Variants in PRRC1 observed in about 807,000 individuals in gnomAD.
PRRC1 encodes protein PRRC1.
A neutral mutation model predicts 40.7 loss-of-function variants in PRRC1; 39 were observed. The observed-to-expected ratio is 0.96, with a 90% CI of 0.74 to 1.25. The LOEUF (loss-of-function observed/expected upper bound fraction) is 1.25, where lower values mean the gene tolerates loss of function less well. Among genes scored for constraint, PRRC1 ranks in the 50% most tolerant of loss-of-function variants. The probability of loss-of-function intolerance (pLI) is 0.00; values close to 1 mark genes in which losing one functional copy is unlikely to be tolerated. For synonymous variants in PRRC1, 175 were observed against 193.3 expected (o/e 0.91, Z 0.79); for missense variants, 573 against 548.3 (o/e 1.05, Z -0.45).
intron 1 of PRRC1, among the ~76,000 whole-genome samples, chr5:127,521,144 G>C (rs1182808718): frequency 6.6e-6 from 1 of 152,120 alleles, no homozygotes; most frequent in Non-Finnish European, 1.5e-5. Context: ...CAGCTCCCCT[G>C]TTCTTTGTTC....
chr5:127,553,520 C>T lies in PRRC1; in HGVS notation c.*1604C>T. ...TCAAGTACAAGAAGGCTTTCTCTAC[C>T]ATTTGCGTCTACACTTTATTTTAAA... On this transcript the variant is annotated 3_prime_UTR_variant, in exon 9 of 9. Transcript: ENST00000296666. The T allele has an allele frequency of 8.7e-7, 1 of 1,149,550 alleles. No homozygotes were observed. The highest frequency in any genetic ancestry group is 1.1e-6 in the Non-Finnish European group (1 of 930,454). 71.2% of individuals were successfully genotyped at this position (1,149,550 alleles called of 1,614,324 possible).
intron 3 of PRRC1, among the ~76,000 whole-genome samples, chr5:127,525,910 A>G (rs1394864802): frequency 6.6e-6 from 1 of 152,202 alleles, no homozygotes; most frequent in Non-Finnish European, 1.5e-5. Context: ...TGACTGTTCC[A>G]GGGAGTAGTG....
rs1037599714 is a variant in PRRC1 at position 127,551,834 on chromosome 5, T to C, written c.1256T>C (p.Met419Thr). The C allele has an allele frequency of 1.9e-6, 3 of 1,614,142 alleles. No homozygotes were observed. Among genetic ancestry groups the C allele is most frequent in the Admixed American group, 1.7e-5 (1 of 60,016 alleles). The change falls in exon 9 of 9, where the codon ATG becomes ACG. Residue 419 changes from methionine (M) to threonine (T), a missense_variant. By Grantham distance (81) the Met-to-Thr change is moderately conservative. Coordinates refer to ENST00000296666, the MANE Select transcript of PRRC1 (RefSeq NM_130809.5). ...RTDWHMAFTGMSRRQMIYSAA... is the reference protein window; with the variant it reads ...RTDWHMAFTGTSRRQMIYSAA... ...GATTGGCACATGGCATTTACTGGGA[T>C]GTCCCGTCGGCAGATGATCTACAGT...
intron 7 of PRRC1, among the ~76,000 whole-genome samples, chr5:127,546,953 T>A (rs10491250): frequency 0.014 from 2,125 of 152,282 alleles, 28 homozygotes; most frequent in East Asian, 0.039. Context: ...AGTGCCATTT[T>A]AGTATTCAGC....
intron 6 of PRRC1, among the ~76,000 whole-genome samples, chr5:127,536,487 G>C (rs402967): frequency 1.3e-5 from 2 of 151,754 alleles, no homozygotes; most frequent in Admixed American, 6.6e-5. Flanking sequence ...GCAAGTTGGA[G>C]AGAGTTTATA....
chr5:127,540,629 A>C (rs576965240), intron 7 of PRRC1, among the ~76,000 whole-genome samples: 6 of 152,084 alleles, frequency 3.9e-5, no homozygotes, highest in African/African-American at 1.2e-4. Flanking sequence ...TTTTTGCTGG[A>C]TGTAGAAGTC....
intron 4 of PRRC1, among the ~76,000 whole-genome samples, chr5:127,529,391 G>T (rs1359932170): frequency 6.6e-6 from 1 of 151,726 alleles, no homozygotes; most frequent in Non-Finnish European, 1.5e-5. Context: ...ACAACATTTT[G>T]TCCCTCGTTA....
rs981228249 is a variant in PRRC1, at chr5:127,517,706, A to G, written c.-91A>G. ...GCCTTCGTTGTCTTCTCCAAGCTGT[A>G]GTTCTACGTCCCGACCTCCCTATCA... On this transcript the variant is annotated 5_prime_UTR_variant, in exon 1 of 9. Coordinates refer to ENST00000296666, the MANE Select transcript of PRRC1 (RefSeq NM_130809.5). 2 of 152,132 alleles carry G rather than the reference A, an allele frequency of 1.3e-5. No homozygotes were observed. Among genetic ancestry groups the G allele is most frequent in the African/African-American group, 4.8e-5 (2 of 41,410 alleles). 9.4% of individuals were successfully genotyped at this position (152,132 alleles called of 1,614,324 possible). A position where few individuals can be genotyped will look rare whatever the true frequency, so the allele number is the denominator to read the frequency against.
At chr5:127,525,099 T>C (rs1767584867) in intron 3 of PRRC1, among the ~76,000 whole-genome samples, 179 bp downstream of exon 3, 1 of 152,106 alleles carries the variant, frequency 6.6e-6, no homozygotes, top group African/African-American at 2.4e-5. Flanking sequence ...TTTATAACCT[T>C]TTCATCACTT....
At chr5:127,524,288 A>G (rs1767541476) in intron 2 of PRRC1, among the ~76,000 whole-genome samples, 1 of 152,138 alleles carries the variant, frequency 6.6e-6, no homozygotes, top group Non-Finnish European at 1.5e-5. Flanking sequence ...ACCAAAACAA[A>G]CCAAAAAGCA....
chr5:127,520,921 G>A (rs1767442368), intron 1 of PRRC1, among the ~76,000 whole-genome samples: 1 of 152,150 alleles, frequency 6.6e-6, no homozygotes, highest in African/African-American at 2.4e-5. Flanking sequence ...AGCTGGGTTT[G>A]GGGTACTCAA....
intron 7 of PRRC1, among the ~76,000 whole-genome samples, chr5:127,547,466 T>G (rs970372849): frequency 6.6e-6 from 1 of 152,132 alleles, no homozygotes; most frequent in African/African-American, 2.4e-5. Context: ...AAGTGACAAT[T>G]GAAAAATATT....
At chr5:127,545,305 A>G (rs889051101) in intron 7 of PRRC1, among the ~76,000 whole-genome samples, 1 of 152,052 alleles carries the variant, frequency 6.6e-6, no homozygotes, top group African/African-American at 2.4e-5. Context: ...CCAAAGGACT[A>G]TAAATCATGC....
Position 127,541,743 on chromosome 5 carries a change from C to T in PRRC1, c.1025+2600C>T, listed in dbSNP as rs1042308890. ...ATATCCCCTTTATCATTTTTTATTGCGTCTATTTGATTCTTCTCTCTTTTT... is the reference window on the plus strand; with the variant it reads ...ATATCCCCTTTATCATTTTTTATTGTGTCTATTTGATTCTTCTCTCTTTTT... On this transcript the variant is annotated intron_variant, in intron 7 of 8. Coordinates refer to ENST00000296666, the MANE Select transcript of PRRC1 (RefSeq NM_130809.5). Among the ~76,000 whole-genome samples the T allele has an allele frequency of 2.4e-3, 342 of 144,756 alleles. 1 individual carries two copies. In the Middle Eastern group the frequency reaches 0.031, roughly 13 times the overall value. 95.0% of individuals were successfully genotyped at this position (144,756 alleles called of 152,430 possible). A position where few individuals can be genotyped will look rare whatever the true frequency, so the allele number is the denominator to read the frequency against.
intron 8 of PRRC1, chr5:127,550,211 CTGTT>C (rs549612813): frequency 2.6e-5 from 4 of 151,924 alleles, no homozygotes; most frequent in Admixed American, 6.6e-5. Context: ...GCTTTTTATT[CTGTT>C]TGTTTTATTT....
rs1324024753 is a variant in PRRC1 at position 127,530,410 on chromosome 5, T to C, written c.757+14T>C. On this transcript the variant is annotated intron_variant, in intron 5 of 8. Transcript: ENST00000296666. Reference sequence around the variant, plus strand: ...CTCCCTATATCAGTATGTACATAAGTTAGACCGGTATCTGCCATTTTTTTT... The same window carrying C: ...CTCCCTATATCAGTATGTACATAAGCTAGACCGGTATCTGCCATTTTTTTT... 1 of 1,592,576 alleles carries C rather than the reference T, an allele frequency of 6.3e-7. No individual in the cohort carries two copies. Among genetic ancestry groups the C allele is most frequent in the Non-Finnish European group, 8.6e-7 (1 of 1,163,756 alleles).
intron 7 of PRRC1, 42 bp from the exon 8 acceptor site, chr5:127,547,777 A>G: frequency 1.5e-6 from 2 of 1,333,288 alleles, no homozygotes; most frequent in Non-Finnish European, 2.1e-6. Flanking sequence ...GATAAGTTTT[A>G]TTTGGCATAT....
Position 127,530,322 on chromosome 5 carries a change from C to T in PRRC1, c.683C>T (p.Ser228Phe). Residue 228 changes from serine to phenylalanine, a missense_variant, in exon 5 of 9, where the codon TCT becomes TTT. Physicochemically the swap from Ser to Phe is radical, Grantham distance 155 (BLOSUM62 -2). Transcript: ENST00000296666. Reference protein sequence around the residue: ...KGVAGNPMVKSVLDKTKHSVE... With the variant: ...KGVAGNPMVKFVLDKTKHSVE... Reference sequence around the variant, plus strand: ...GTGGCTGGGAATCCTATGGTGAAGTCTGTGCTTGATAAGACAAAACATTCA... The same window carrying T: ...GTGGCTGGGAATCCTATGGTGAAGTTTGTGCTTGATAAGACAAAACATTCA... The T allele has an allele frequency of 1.2e-6, 2 of 1,613,826 alleles. No individual in the cohort carries two copies. The highest frequency in any genetic ancestry group is 1.7e-6 in the Non-Finnish European group (2 of 1,179,858).
At chr5:127,523,427 T>G in intron 1 of PRRC1, 33 bp from the exon 2 acceptor site, 2 of 1,078,132 alleles carry the variant, frequency 1.9e-6, no homozygotes, top group South Asian at 1.5e-5. Flanking sequence ...TTGGTTACTG[T>G]GTAATATTTG....
Sources: allele counts gnomAD v4.1 joint callset (sites outside exome capture counted in the v4.1 genomes callset), GRCh38; gene constraint gnomAD v4.1.1; transcripts MANE v1.5; gene names NCBI Gene and HGNC (gene_info 2026-07-23, HGNC 2026-07-21).